RASGRF2: variants seen among roughly 807,000 people sequenced by gnomAD.
The protein encoded by RASGRF2 is Ras protein specific guanine nucleotide releasing factor 2.
Under a neutral mutation model 151.0 loss-of-function variants are expected in RASGRF2, and 76 were observed. That is an observed-to-expected ratio of 0.50 (90% CI 0.42 to 0.61). RASGRF2 has a LOEUF of 0.61. Ranked by LOEUF, RASGRF2 falls within the 20% of genes least tolerant of loss-of-function variation. The probability of loss-of-function intolerance (pLI) is 0.00; values close to 1 mark genes in which losing one functional copy is unlikely to be tolerated. For synonymous variants in RASGRF2, 504 were observed against 566.5 expected (o/e 0.89, Z 1.57); for missense variants, 1,148 against 1,564.6 (o/e 0.73, Z 4.49).
intron 15 of RASGRF2, among the ~76,000 whole-genome samples, chr5:81,117,256 A>G (rs1753186837): frequency 6.6e-6 from 1 of 152,208 alleles, no homozygotes; most frequent in South Asian, 2.1e-4. Flanking sequence ...ATAGCAGGAT[A>G]TTTTAAACTA....
At chr5:81,017,531 G>T (rs1580208497) in intron 1 of RASGRF2, among the ~76,000 whole-genome samples, 2 of 152,322 alleles carry the variant, frequency 1.3e-5, no homozygotes, top group South Asian at 4.1e-4. Flanking sequence ...GAGGTGCTAA[G>T]AATTCAGCCT....
intron 6 of RASGRF2, 108 bp downstream of exon 6, chr5:81,080,308 C>G: frequency 1.3e-6 from 2 of 1,510,646 alleles, no homozygotes; most frequent in Non-Finnish European, 1.8e-6. Context: ...CCCTGTTGAC[C>G]TGTGAGCTTC....
chr5:81,135,515 G>A (rs1415385523), intron 17 of RASGRF2, among the ~76,000 whole-genome samples: 1 of 152,078 alleles, frequency 6.6e-6, no homozygotes, highest in African/African-American at 2.4e-5. Context: ...TAATATAAAT[G>A]GAATTACTCA....
chr5:81,003,710 G>T (rs1240489969), intron 1 of RASGRF2, among the ~76,000 whole-genome samples: 1 of 152,128 alleles, frequency 6.6e-6, no homozygotes, highest in African/African-American at 2.4e-5. Context: ...GGATTTTAAG[G>T]TTTATTCATA....
chr5:81,141,959 A>G (rs552948781), intron 17 of RASGRF2, among the ~76,000 whole-genome samples: 12 of 152,356 alleles, frequency 7.9e-5, no homozygotes, highest in African/African-American at 2.6e-4. Context: ...TTGATGTCAC[A>G]TATATACTCT....
At chr5:81,212,345 G>A (rs369262343) in intron 22 of RASGRF2, 21 bp from the exon 23 acceptor site, 6 of 1,566,502 alleles carry the variant, frequency 3.8e-6, no homozygotes, top group East Asian at 2.3e-5. Context: ...ACTGCCTTTC[G>A]GGGCTTTTTG....
rs935337443 is a variant in RASGRF2 at position 81,190,915 on chromosome 5, T to C, written c.2794-10415T>C. Among the ~76,000 whole-genome samples the C allele has an allele frequency of 2.0e-5, 3 of 151,712 alleles. No homozygotes were observed. In the South Asian group the frequency reaches 6.3e-4, roughly 32 times the overall value. On this transcript the variant is annotated intron_variant, in intron 18 of 26. Transcript: ENST00000265080. ...ACCTTTTGTGGATGGATTTCGTTGA[T>C]GGAATTTTATGTACTTCGATAGCTT...
chr5:80,993,470 A>G (rs1038284201), intron 1 of RASGRF2, among the ~76,000 whole-genome samples: 5 of 152,198 alleles, frequency 3.3e-5, no homozygotes, highest in African/African-American at 1.2e-4. Flanking sequence ...ATGTAGTGAG[A>G]GCATTTAAAT....
intron 2 of RASGRF2, among the ~76,000 whole-genome samples, chr5:81,044,096 A>G (rs1351463196): frequency 1.3e-5 from 2 of 152,190 alleles, no homozygotes; most frequent in African/African-American, 4.8e-5. Context: ...GTAGGTGATC[A>G]GGAGATTTCT....
At chr5:81,216,220 C>T (rs951309569) in intron 24 of RASGRF2, among the ~76,000 whole-genome samples, 15 of 152,116 alleles carry the variant, frequency 9.9e-5, no homozygotes, top group African/African-American at 3.1e-4. Flanking sequence ...CTATCTTTTA[C>T]TGTAAAAATG....
intron 12 of RASGRF2, 85 bp from the exon 13 acceptor site, chr5:81,108,911 T>C: frequency 6.8e-7 from 1 of 1,470,676 alleles, no homozygotes; most frequent in East Asian, 2.4e-5. Flanking sequence ...ATTGAATGGA[T>C]TCTTTTAGCT....
intron 1 of RASGRF2, among the ~76,000 whole-genome samples, chr5:80,970,619 C>T (rs541396117): frequency 2.7e-4 from 41 of 152,252 alleles, no homozygotes; most frequent in African/African-American, 9.6e-4. Flanking sequence ...TCTCCTGCTT[C>T]AGTTTTCACT....
chr5:80,966,858 G>A (rs1747738708), intron 1 of RASGRF2, among the ~76,000 whole-genome samples: 1 of 152,054 alleles, frequency 6.6e-6, no homozygotes, highest in South Asian at 2.1e-4. Flanking sequence ...TATACTTTTA[G>A]GGAGAAAGCA....
At position 80,995,605 on chromosome 5, in the gene RASGRF2, C is replaced by T. The variant is rs953030402; in HGVS notation, c.288+34579C>T. Among the ~76,000 whole-genome samples the T allele has an allele frequency of 3.4e-4, 51 of 151,236 alleles. 1 individual carries two copies. In the Admixed American group the frequency reaches 3.4e-3, roughly 10 times the overall value. ...CATTTCTAATCCCACTTCTCAGAGCCAACAGCATGTAGCTGTCTCTGCTTT... is the reference window on the plus strand; with the variant it reads ...CATTTCTAATCCCACTTCTCAGAGCTAACAGCATGTAGCTGTCTCTGCTTT... On this transcript the variant is annotated intron_variant, in intron 1 of 26. Transcript: ENST00000265080.
At chr5:81,060,400 C>A (rs1246401780) in intron 2 of RASGRF2, among the ~76,000 whole-genome samples, 1 of 151,960 alleles carries the variant, frequency 6.6e-6, no homozygotes, top group Non-Finnish European at 1.5e-5. Flanking sequence ...TCTCCAGTAC[C>A]ATTTCTCCAT....
chr5:81,112,326 T>A (rs1445963881), intron 13 of RASGRF2, among the ~76,000 whole-genome samples: 1 of 152,190 alleles, frequency 6.6e-6, no homozygotes. Flanking sequence ...AGTATTGTAA[T>A]CTAGAGATGA....
intron 17 of RASGRF2, among the ~76,000 whole-genome samples, chr5:81,137,862 T>C (rs538748135): frequency 8.5e-4 from 130 of 152,382 alleles, no homozygotes; most frequent in African/African-American, 3.1e-3. Context: ...ACTGTGTTTC[T>C]TCTTGCCTTT....
In RASGRF2 at chr5:81,180,632, G is replaced by A. The variant is rs76836943; in HGVS notation, c.2793+351G>A. ...ACTTTTCACAGGGTCTTCTCTGTAAGTGGAGCTATGCTTGAGAGGCTGCCA... is the reference window on the plus strand; with the variant it reads ...ACTTTTCACAGGGTCTTCTCTGTAAATGGAGCTATGCTTGAGAGGCTGCCA... On this transcript the variant is annotated intron_variant, in intron 18 of 26. Transcript: ENST00000265080. Among the ~76,000 whole-genome samples the A allele has an allele frequency of 5.1e-4, 78 of 152,198 alleles. No individual in the cohort carries two copies. In the East Asian group the frequency reaches 0.014, roughly 27 times the overall value.
chr5:81,113,460 G>T, intron 14 of RASGRF2, 78 bp from the exon 15 acceptor site: 2 of 1,444,722 alleles, frequency 1.4e-6, no homozygotes. Context: ...TAAATGAAGG[G>T]AACATGTTCT....
Sources: allele counts gnomAD v4.1 joint callset (sites outside exome capture counted in the v4.1 genomes callset), GRCh38; gene constraint gnomAD v4.1.1; transcripts MANE v1.5; gene names NCBI Gene and HGNC (gene_info 2026-07-23, HGNC 2026-07-21).